KCNJ3: variants seen among roughly 807,000 people sequenced by gnomAD.
The protein encoded by KCNJ3 is G protein-activated inward rectifier potassium channel 1.
Under a neutral mutation model 39.2 loss-of-function variants are expected in KCNJ3, and 4 were observed. The ratio of observed to expected loss-of-function variants is 0.10; its 90% CI spans 0.05 to 0.23. The LOEUF (loss-of-function observed/expected upper bound fraction) is 0.23, where lower values mean the gene tolerates loss of function less well. Ranked by LOEUF, KCNJ3 falls within the 10% of genes least tolerant of loss-of-function variation. The probability of loss-of-function intolerance (pLI) is 1.00; values close to 1 mark genes in which losing one functional copy is unlikely to be tolerated. For missense variants in KCNJ3, 276 were observed against 634.9 expected (o/e 0.43, Z 6.08); for synonymous variants, 230 against 237.4 (o/e 0.97, Z 0.29).
At chr2:154,733,207 A>G (rs1685472981) in intron 2 of KCNJ3, among the ~76,000 whole-genome samples, 1 of 152,022 alleles carries the variant, frequency 6.6e-6, no homozygotes, top group Non-Finnish European at 1.5e-5. Flanking sequence ...CTATATTTGA[A>G]CTAACTACCC....
intron 1 of KCNJ3, among the ~76,000 whole-genome samples, chr2:154,705,598 A>G (rs1475054003): frequency 6.6e-5 from 10 of 152,114 alleles, no homozygotes. Context: ...AATGTGACAC[A>G]ACCCTTAAAT....
intron 2 of KCNJ3, among the ~76,000 whole-genome samples, chr2:154,813,266 T>C (rs1272103186): frequency 6.6e-6 from 1 of 152,162 alleles, no homozygotes; most frequent in Non-Finnish European, 1.5e-5. Context: ...ACATGCAAAT[T>C]ATGGGAAGCT....
At chr2:154,844,228 G>T (rs1398472365) in intron 2 of KCNJ3, among the ~76,000 whole-genome samples, 1 of 152,204 alleles carries the variant, frequency 6.6e-6, no homozygotes, top group African/African-American at 2.4e-5. Flanking sequence ...GTTGGAGATT[G>T]CTGGAGTTCC....
At chr2:154,799,968 G>C (rs1166815168) in intron 2 of KCNJ3, among the ~76,000 whole-genome samples, 2 of 152,188 alleles carry the variant, frequency 1.3e-5, no homozygotes, top group Non-Finnish European at 2.9e-5. Flanking sequence ...TCTAGCTGGA[G>C]AGTGGGTTGA....
At chr2:154,741,169 T>C (rs562269327) in intron 2 of KCNJ3, among the ~76,000 whole-genome samples, 143 of 152,030 alleles carry the variant, frequency 9.4e-4, no homozygotes, top group Non-Finnish European at 1.8e-3. Flanking sequence ...TATAAACTAT[T>C]ATTACGTTTT....
intron 2 of KCNJ3, among the ~76,000 whole-genome samples, chr2:154,712,006 T>TCCTCTTAA (rs1298714327): frequency 6.6e-6 from 1 of 152,148 alleles, no homozygotes; most frequent in African/African-American, 2.4e-5. Context: ...AAAGTCCACT[T>TCCTCTTAA]CCTCTTAACC....
chr2:154,834,728 AAAAATAAAAT>A (rs1267021385), intron 2 of KCNJ3, among the ~76,000 whole-genome samples: 1 of 147,156 alleles, frequency 6.8e-6, no homozygotes, highest in African/African-American at 2.5e-5. Flanking sequence ...CTCCATCTCA[AAAAATAAAAT>A]AAAATAAAAT....
rs577028539 is a variant in KCNJ3 at position 154,795,695 on chromosome 2, A to G, written c.920-59032A>G. 2.4e-4 allele frequency among the ~76,000 whole-genome samples: 37 copies of G among 152,230 alleles called. 1 individual carries two copies. Among genetic ancestry groups the G allele is most frequent in the Non-Finnish European group, 3.1e-4 (21 of 67,976 alleles). On this transcript the variant is annotated intron_variant, in intron 2 of 2. Transcript: ENST00000295101. ...GGTAGCTTTGTAGATGAAATAAATT[A>G]TGCGTATTTTTATTAGGTACACTGG...
chr2:154,750,300 T>C (rs1194311528), intron 2 of KCNJ3, among the ~76,000 whole-genome samples: 1 of 151,946 alleles, frequency 6.6e-6, no homozygotes, highest in Non-Finnish European at 1.5e-5. Flanking sequence ...TAGGGTTAGG[T>C]TATAAACTTT....
At chr2:154,831,903 A>T (rs1687370098) in intron 2 of KCNJ3, among the ~76,000 whole-genome samples, 1 of 152,162 alleles carries the variant, frequency 6.6e-6, no homozygotes, top group African/African-American at 2.4e-5. Context: ...TGCAGGTTGT[A>T]CAAGAAGCAT....
At chr2:154,726,891 C>A (rs1039726279) in intron 2 of KCNJ3, among the ~76,000 whole-genome samples, 4 of 150,714 alleles carry the variant, frequency 2.7e-5, no homozygotes, top group African/African-American at 7.4e-5. Flanking sequence ...GCATTTGCAG[C>A]AACCAGGATG....
intron 1 of KCNJ3, among the ~76,000 whole-genome samples, chr2:154,701,346 GT>G (rs1558850058): frequency 2.6e-5 from 4 of 151,984 alleles, no homozygotes; most frequent in Non-Finnish European, 5.9e-5. Flanking sequence ...ACATTCTTTA[GT>G]TTTTTAAACA....
rs998247465 is a variant in KCNJ3 at position 154,858,009 on chromosome 2, C to T, written c.*2696C>T. 14 of 144,828 alleles carry T rather than the reference C, an allele frequency of 9.7e-5. No individual in the cohort carries two copies. The highest frequency in any genetic ancestry group is 4.5e-4 in the South Asian group (2 of 4,426). The allele number at this position is 144,828 out of a possible 1,614,324, so 9.0% of individuals were successfully genotyped here. On this transcript the variant is annotated 3_prime_UTR_variant, in exon 3 of 3. Transcript: ENST00000295101. ...TTTAGAAAATGTGACTGGCTTAGGA[C>T]GGGGATAATATGTGAACAGAAATCT...
intron 2 of KCNJ3, among the ~76,000 whole-genome samples, chr2:154,777,463 T>C (rs796202546): frequency 5.3e-5 from 8 of 152,318 alleles, no homozygotes; most frequent in African/African-American, 1.9e-4. Flanking sequence ...TCCTATGAAA[T>C]TTATAACTTA....
intron 2 of KCNJ3, among the ~76,000 whole-genome samples, chr2:154,828,734 A>G (rs1687311749): frequency 6.6e-6 from 1 of 152,074 alleles, no homozygotes; most frequent in South Asian, 2.1e-4. Context: ...TAAACTAATT[A>G]TCTCTTCTCT....
intron 2 of KCNJ3, among the ~76,000 whole-genome samples, chr2:154,768,226 A>C (rs942562308): frequency 1.3e-5 from 2 of 152,188 alleles, no homozygotes. Flanking sequence ...TTTTGTTGCC[A>C]TTGCATTTGG....
intron 2 of KCNJ3, among the ~76,000 whole-genome samples, chr2:154,786,098 A>G (rs1435684879): frequency 3.3e-5 from 5 of 152,192 alleles, no homozygotes; most frequent in Non-Finnish European, 7.3e-5. Context: ...TCATCTTCTG[A>G]GGAAATGGAT....
intron 2 of KCNJ3, among the ~76,000 whole-genome samples, chr2:154,790,226 A>T (rs1686605785): frequency 6.6e-6 from 1 of 152,126 alleles, no homozygotes; most frequent in African/African-American, 2.4e-5. Context: ...AAAGTTATCC[A>T]AGGAATATTT....
intron 2 of KCNJ3, among the ~76,000 whole-genome samples, chr2:154,848,426 C>T (rs1221044266): frequency 6.6e-6 from 1 of 152,010 alleles, no homozygotes; most frequent in Admixed American, 6.6e-5. Flanking sequence ...TAATTAATAT[C>T]ACCACTATTA....
Sources: gnomAD v4.1 joint callset for allele counts (sites outside exome capture counted in the v4.1 genomes callset) on GRCh38, gnomAD v4.1.1 for gene constraint, MANE v1.5 for transcripts, NCBI Gene and HGNC (gene_info 2026-07-23, HGNC 2026-07-21) for gene names.